ADCY5: variants seen among roughly 807,000 people sequenced by gnomAD.
ADCY5 encodes adenylate cyclase type 5.
A neutral mutation model predicts 119.7 loss-of-function variants in ADCY5; 30 were observed. The observed-to-expected ratio is 0.25, with a 90% confidence interval of 0.19 to 0.34. The LOEUF is 0.34. Ranked by LOEUF, ADCY5 falls within the 10% of genes least tolerant of loss-of-function variation. ADCY5 has a pLI of 1.00. For synonymous variants in ADCY5, 753 were observed against 762.2 expected, an observed-to-expected ratio of 0.99 and a Z score of 0.20; for missense variants, 1,324 against 1,775.2, an observed-to-expected ratio of 0.75 and a Z score of 4.57.
chr3:123,330,123 T>C (rs1429928120), intron 5 of ADCY5, among the ~76,000 whole-genome samples: 1 of 152,218 alleles, frequency 6.6e-6, no homozygotes, highest in East Asian at 1.9e-4. Context: ...ATTGTCTAGC[T>C]CAGGCTTGCT....
chr3:123,380,951 G>A (rs1483492716), intron 1 of ADCY5, among the ~76,000 whole-genome samples: 1 of 152,120 alleles, frequency 6.6e-6, no homozygotes, highest in Non-Finnish European at 1.5e-5. Context: ...GCAAGCCTGG[G>A]TCCCATTCCT....
intron 1 of ADCY5, among the ~76,000 whole-genome samples, chr3:123,400,299 G>A (rs1372734309): frequency 6.6e-6 from 1 of 152,174 alleles, no homozygotes; most frequent in African/African-American, 2.4e-5. Context: ...TCAAGACGCA[G>A]CTAGACCAGC....
chr3:123,438,286 T>C (rs924317080), intron 1 of ADCY5, among the ~76,000 whole-genome samples: 1 of 152,188 alleles, frequency 6.6e-6, no homozygotes, highest in Non-Finnish European at 1.5e-5. Context: ...ACCCATTACA[T>C]ATTAAAAGCT....
chr3:123,371,653 G>C (rs1487284368), intron 1 of ADCY5, among the ~76,000 whole-genome samples: 1 of 152,264 alleles, frequency 6.6e-6, no homozygotes, highest in Non-Finnish European at 1.5e-5. Context: ...TGGGGCAAGA[G>C]CTGGGGATGA....
intron 10 of ADCY5, among the ~76,000 whole-genome samples, chr3:123,318,756 T>A (rs1470786651): frequency 6.6e-6 from 1 of 152,170 alleles, no homozygotes; most frequent in African/African-American, 2.4e-5. Context: ...CCATTTTAAC[T>A]GAACCCTGGG....
intron 1 of ADCY5, among the ~76,000 whole-genome samples, chr3:123,386,654 A>G (rs2107574542): frequency 6.6e-6 from 1 of 152,090 alleles, no homozygotes; most frequent in South Asian, 2.1e-4. Context: ...ATGGGCCCAA[A>G]TCTGTTAGCC....
chr3:123,325,272 G>A, intron 8 of ADCY5, 50 bp downstream of exon 8: 1 of 1,605,212 alleles, frequency 6.2e-7, no homozygotes, highest in Non-Finnish European at 8.5e-7. Flanking sequence ...CCCACAGAAG[G>A]CCCTAGCCTT....
Position 123,448,001 on chromosome 3 carries a change from T to C in ADCY5, c.545A>G (p.Glu182Gly). ...CGAGCTGCCGCCATCCCCGGACCCC[T>C]CGCCGCCCTCGACGGCGCCGGCCTC... ...ELEAGAVEGG[E>G]GSGDGGSSAD... The change falls in exon 1 of 21, where the codon GAG becomes GGG. Residue 182 changes from glutamate (E) to glycine (G), a missense_variant. Coordinates refer to ENST00000462833, the MANE Select transcript of ADCY5 (RefSeq NM_183357.3). 1 of 1,299,954 alleles carries C rather than the reference T, an allele frequency of 7.7e-7. No homozygotes were observed. Among genetic ancestry groups the C allele is most frequent in the Non-Finnish European group, 9.7e-7 (1 of 1,028,640 alleles). The allele number at this position is 1,299,954 out of a possible 1,614,324, so 80.5% of individuals were successfully genotyped here.
intron 1 of ADCY5, among the ~76,000 whole-genome samples, chr3:123,419,777 C>G (rs925875767): frequency 1.3e-5 from 2 of 152,106 alleles, no homozygotes; most frequent in Admixed American, 6.5e-5. Context: ...TTCATGAAAC[C>G]TTCCCTGGGC....
rs113815268 is a variant in ADCY5 at position 123,297,629 on chromosome 3, C to T, written c.2901-247G>A. On this transcript the variant is annotated intron_variant, in intron 15 of 20. Coordinates refer to ENST00000462833, the MANE Select transcript of ADCY5 (RefSeq NM_183357.3). ...GCTCTTACCTGAAACCCTGCCTTCCCAGACCCCAGCATATCTACCTGGGTG... is the reference window on the plus strand; with the variant it reads ...GCTCTTACCTGAAACCCTGCCTTCCTAGACCCCAGCATATCTACCTGGGTG... 4.5e-3 allele frequency among the ~76,000 whole-genome samples: 682 copies of T among 152,320 alleles called. 3 individuals carry two copies. Among genetic ancestry groups the T allele is most frequent in the Admixed American group, 9.6e-3 (147 of 15,300 alleles).
At position 123,319,713 on chromosome 3, in the gene ADCY5, C is replaced by A. The variant is rs750481144; in HGVS notation, c.2217G>T (p.Lys739Asn). Reference protein sequence around the residue: ...IDRLRSEHVRKFLLTFREPDL... With the variant: ...IDRLRSEHVRNFLLTFREPDL... ...CAGGCTCCCTGAAGGTCAGGAGGAA[C>A]TTGCGGACGTGCTCAGACCGAAGCC... is the stretch of plus-strand genomic sequence containing the variant. Residue 739 changes from lysine to asparagine, a missense_variant, in exon 10 of 21, where the codon AAG (lysine) becomes AAT (asparagine). Around this residue, in one of 6 missense-constraint regions of ADCY5, gnomAD observed 424 missense variants for 546.8 expected, o/e 0.78. Coordinates refer to ENST00000462833, the MANE Select transcript of ADCY5 (RefSeq NM_183357.3). 6.8e-6 allele frequency: 11 copies of A among 1,614,116 alleles called. No individual in the cohort carries two copies. The South Asian group carries it at 1.2e-4, about 18-fold the overall frequency.
intron 1 of ADCY5, among the ~76,000 whole-genome samples, chr3:123,395,811 A>G (rs1010721653): frequency 2.6e-5 from 4 of 151,314 alleles, no homozygotes; most frequent in African/African-American, 9.7e-5. Context: ...TGAGCCTAGG[A>G]AGTCGAGGTT....
chr3:123,329,606 A>T (rs1336576556), intron 5 of ADCY5, among the ~76,000 whole-genome samples: 3 of 151,962 alleles, frequency 2.0e-5, no homozygotes, highest in Non-Finnish European at 4.4e-5. Context: ...TAATGGATGA[A>T]CTCAGATTGC....
At chr3:123,373,169 T>C (rs1309487844) in intron 1 of ADCY5, among the ~76,000 whole-genome samples, 2 of 152,082 alleles carry the variant, frequency 1.3e-5, no homozygotes, top group Non-Finnish European at 2.9e-5. Flanking sequence ...AATGTTCGAG[T>C]AGGAACAGGG....
At chr3:123,387,641 A>G (rs1944267521) in intron 1 of ADCY5, among the ~76,000 whole-genome samples, 1 of 152,256 alleles carries the variant, frequency 6.6e-6, no homozygotes, top group South Asian at 2.1e-4. Context: ...AGATATTCAA[A>G]TCAAGGGAAA....
At chr3:123,379,258 C>T (rs1272421736) in intron 1 of ADCY5, among the ~76,000 whole-genome samples, 2 of 152,120 alleles carry the variant, frequency 1.3e-5, no homozygotes, top group Admixed American at 1.3e-4. Context: ...GAGGGAGACA[C>T]TTTTCCATTC....
At chr3:123,290,320 C>A (rs978436478) in intron 18 of ADCY5, among the ~76,000 whole-genome samples, 54 of 152,230 alleles carry the variant, frequency 3.5e-4, no homozygotes, top group Non-Finnish European at 8.8e-5. Context: ...TTTCCCTACC[C>A]CCTGGCCCCG....
chr3:123,348,127 C>T (rs1346984347), intron 2 of ADCY5, among the ~76,000 whole-genome samples: 1 of 142,948 alleles, frequency 7.0e-6, no homozygotes, highest in Non-Finnish European at 1.5e-5. Context: ...CCCGGGACAC[C>T]AGCTAATCCT....
At chr3:123,297,707 T>TG (rs1939606581) in intron 15 of ADCY5, among the ~76,000 whole-genome samples, 1 of 152,130 alleles carries the variant, frequency 6.6e-6, no homozygotes, top group Admixed American at 6.5e-5. Flanking sequence ...CCAGAGGGCG[T>TG]GGAGGAGAGA....
Sources: gnomAD v4.1 joint callset for allele counts (sites outside exome capture counted in the v4.1 genomes callset) on GRCh38, gnomAD v4.1.1 for gene constraint, gnomAD v4.1.1 regional missense constraint, MANE v1.5 for transcripts, NCBI Gene and HGNC (gene_info 2026-07-23, HGNC 2026-07-21) for gene names.